The following E2F2 variants were observed in gnomAD, a reference collection of about 807,000 sequenced individuals.
The protein encoded by E2F2 is transcription factor E2F2.
Under a neutral mutation model 42.2 loss-of-function variants are expected in E2F2, and 22 were observed. The ratio of observed to expected loss-of-function variants is 0.52; its 90% CI spans 0.37 to 0.74. E2F2 has a LOEUF of 0.74. E2F2 is among the 30% of genes least tolerant of loss of function. E2F2 has a pLI of 0.00. For missense variants in E2F2, 481 were observed against 557.8 expected, an observed-to-expected ratio of 0.86 and a Z score of 1.39; for synonymous variants, 248 against 251.6, an observed-to-expected ratio of 0.99 and a Z score of 0.13.
chr1:23,525,376 C>A (rs1412680046), intron 1 of E2F2, among the ~76,000 whole-genome samples: 1 of 152,212 alleles, frequency 6.6e-6, no homozygotes, highest in Non-Finnish European at 1.5e-5. Context: ...AGGGCAGGGG[C>A]AGAGCTGGGG....
intron 4 of E2F2, among the ~76,000 whole-genome samples, chr1:23,520,112 G>A (rs1643108022): frequency 1.3e-5 from 2 of 150,784 alleles, no homozygotes; most frequent in Admixed American, 6.6e-5. Flanking sequence ...CAGGCATGGT[G>A]GCGGGCACCT....
At chr1:23,524,624 C>G in intron 1 of E2F2, 136 bp from the exon 2 acceptor site, 2 of 649,938 alleles carry the variant, frequency 3.1e-6, no homozygotes, top group Middle Eastern at 2.9e-4. Context: ...CCTGGTGAAG[C>G]ACTGCTGTAC....
chr1:23,521,823 G>GC lies in E2F2; in HGVS notation c.578+13dup. Reference sequence around the variant, plus strand: ...TACCCATTGGAGGGTACCACTGGCCGCCCAGGCACTCACACCCACTGGATG... The same window carrying GC: ...TACCCATTGGAGGGTACCACTGGCCGCCCCAGGCACTCACACCCACTGGATG... On this transcript the variant is annotated intron_variant, in intron 3 of 6. Coordinates refer to ENST00000361729, the MANE Select transcript of E2F2 (RefSeq NM_004091.4). 6.2e-7 allele frequency: 1 copy of GC among 1,613,030 alleles called. No homozygotes were observed. The highest frequency in any genetic ancestry group is 8.5e-7 in the Non-Finnish European group (1 of 1,179,776).
chr1:23,530,845 T>G lies in E2F2; in HGVS notation c.-52A>C. The G allele has an allele frequency of 7.0e-7, 1 of 1,426,446 alleles. No individual in the cohort carries two copies. Among genetic ancestry groups the G allele is most frequent in the Non-Finnish European group, 9.2e-7 (1 of 1,091,026 alleles). The allele number at this position is 1,426,446 out of a possible 1,614,324, so 88.4% of individuals were successfully genotyped here. ...AGGGCTTGGCGCGCCCGCGGACACC[T>G]GCGGGTTCCGGTGCTGCCGCCTTTC... On this transcript the variant is annotated 5_prime_UTR_variant, in exon 1 of 7. Transcript: ENST00000361729. The surrounding 1 kb of genome is among the most constrained non-coding windows in gnomAD (Gnocchi z 4.4).
intron 6 of E2F2, among the ~76,000 whole-genome samples, chr1:23,512,973 C>T (rs771061238): frequency 5.3e-5 from 8 of 152,022 alleles, no homozygotes; most frequent in African/African-American, 9.7e-5. Flanking sequence ...CCACCACCTC[C>T]GGCTAATTTT....
At chr1:23,520,696 T>G (rs1570465561) in intron 4 of E2F2, among the ~76,000 whole-genome samples, 1 of 152,162 alleles carries the variant, frequency 6.6e-6, no homozygotes. Context: ...CGAGCTATGA[T>G]CATGCCATTG....
In E2F2 at chr1:23,507,836, AT is replaced by A. The variant is rs1642831073; in HGVS notation, c.*2043del. On this transcript the variant is annotated 3_prime_UTR_variant, in exon 7 of 7. Coordinates refer to ENST00000361729, the MANE Select transcript of E2F2 (RefSeq NM_004091.4). ...GACTTCAGTATTAAACTCATTCCCA[AT>A]GGGTCCTGCAGGCCCCTTCTTCCTT... 6.6e-6 allele frequency: 1 copy of A among 152,238 alleles called. No homozygotes were observed. The highest frequency in any genetic ancestry group is 2.4e-5 in the African/African-American group (1 of 41,464). The allele number at this position is 152,238 out of a possible 1,614,324, so 9.4% of individuals were successfully genotyped here.
At chr1:23,518,472 A>AAAATAAATAAAT (rs56023276) in intron 5 of E2F2, among the ~76,000 whole-genome samples, 7 of 149,990 alleles carry the variant, frequency 4.7e-5, no homozygotes, top group African/African-American at 1.7e-4. Flanking sequence ...CTCTGTCTCA[A>AAAATAAATAAAT]AAATAAATAA....
At chr1:23,526,112 C>T (rs375139223) in intron 1 of E2F2, among the ~76,000 whole-genome samples, 6 of 152,178 alleles carry the variant, frequency 3.9e-5, no homozygotes, top group South Asian at 4.2e-4. Flanking sequence ...CCACCACTAC[C>T]GAGACCTGGA....
chr1:23,519,632 A>G (rs1478165771), intron 4 of E2F2, among the ~76,000 whole-genome samples: 1 of 152,216 alleles, frequency 6.6e-6, no homozygotes, highest in African/African-American at 2.4e-5. Flanking sequence ...AAAGCATTCT[A>G]TGTATAAAGA....
Position 23,509,204 on chromosome 1 carries a change from C to T in E2F2, c.*676G>A, listed in dbSNP as rs1174014365. 1 of 152,246 alleles carries T rather than the reference C, an allele frequency of 6.6e-6. No individual in the cohort carries two copies. Among genetic ancestry groups the T allele is most frequent in the Non-Finnish European group, 1.5e-5 (1 of 68,076 alleles). 9.4% of individuals were successfully genotyped at this position (152,246 alleles called of 1,614,324 possible). ...GCGACCAGGAAGCCAAGACCGGCAG[C>T]TCAGCTGGAGATGTGAGGCCAAGAA... On this transcript the variant is annotated 3_prime_UTR_variant, in exon 7 of 7. Coordinates refer to ENST00000361729, the MANE Select transcript of E2F2 (RefSeq NM_004091.4).
intron 5 of E2F2, among the ~76,000 whole-genome samples, chr1:23,518,626 G>T (rs1643073917): frequency 6.6e-6 from 1 of 152,098 alleles, no homozygotes; most frequent in Non-Finnish European, 1.5e-5. Context: ...AACGTCAGCT[G>T]GGGTCTCAGA....
chr1:23,530,037 T>C lies in E2F2; in HGVS notation c.252+505A>G, dbSNP rs1643312346. ...CTGGGGGAGGACCTAGGGCAGATAC[T>C]TGGGGCTATCTCAGGAGCTGGCTGG... On this transcript the variant is annotated intron_variant, in intron 1 of 6. Transcript: ENST00000361729. The surrounding 1 kb of genome is among the most constrained non-coding windows in gnomAD (Gnocchi z 4.4). Among the ~76,000 whole-genome samples the C allele has an allele frequency of 6.6e-6, 1 of 152,134 alleles. No homozygotes were observed. The highest frequency in any genetic ancestry group is 2.4e-5 in the African/African-American group (1 of 41,438).
chr1:23,531,025 T>C lies in E2F2; in HGVS notation c.-232A>G. The C allele has an allele frequency of 2.2e-6, 1 of 464,082 alleles. No individual in the cohort carries two copies. Among genetic ancestry groups the C allele is most frequent in the South Asian group, 5.5e-5 (1 of 18,120 alleles). 28.7% of individuals were successfully genotyped at this position (464,082 alleles called of 1,614,324 possible). On this transcript the variant is annotated 5_prime_UTR_variant, in exon 1 of 7. Transcript: ENST00000361729. ...CGCCCGGCGGCTGCGGTGGTGGCAC[T>C]GCCAGGGGCTGTCTCGTCCCGAGGG...
rs959520751 is a variant in E2F2 at position 23,510,509 on chromosome 1, G to C, written c.1046-361C>G. On this transcript the variant is annotated intron_variant, in intron 6 of 6. Coordinates refer to ENST00000361729, the MANE Select transcript of E2F2 (RefSeq NM_004091.4). ...CCAGCTAATTTGTGTATTTTTAGTA[G>C]AGATGGGGTTTCACCATGTTGGCCA... Among the ~76,000 whole-genome samples, 6 of 152,232 alleles carry C rather than the reference G, an allele frequency of 3.9e-5. No homozygotes were observed. In the East Asian group the frequency reaches 1.2e-3, roughly 29 times the overall value.
chr1:23,519,070 C>G lies in E2F2; in HGVS notation c.798G>C (p.Val266=). 6.2e-7 allele frequency: 1 copy of G among 1,613,944 alleles called. No homozygotes were observed. Among genetic ancestry groups the G allele is most frequent in the Non-Finnish European group, 8.5e-7 (1 of 1,179,916 alleles). Residue 266 remains valine (V), a synonymous_variant, in exon 5 of 7, where the codon GTG becomes GTC. Coordinates refer to ENST00000361729, the MANE Select transcript of E2F2 (RefSeq NM_004091.4). ...TCTGCGGAGGGGCCTTGACGGCAATCACTGTCTGCTCCTTAAAGTTGCCAA... is the reference window on the plus strand; with the variant it reads ...TCTGCGGAGGGGCCTTGACGGCAATGACTGTCTGCTCCTTAAAGTTGCCAA... The part of the protein sequence containing the change: ...RAVGNFKEQT[V]IAVKAPPQTR...
chr1:23,519,131 G>A lies in E2F2; in HGVS notation c.738-1C>T, dbSNP rs145585855. On this transcript the variant is annotated splice_acceptor_variant, in intron 4 of 6. Coordinates refer to ENST00000361729, the MANE Select transcript of E2F2 (RefSeq NM_004091.4). LOFTEE classifies it high-confidence loss of function. ...ATCCTGGTAAGTCACATAGGCCAGCGTAGGGCAGGAGAGTCAAGAAAAGTG... is the reference window on the plus strand; with the variant it reads ...ATCCTGGTAAGTCACATAGGCCAGCATAGGGCAGGAGAGTCAAGAAAAGTG... The A allele has an allele frequency of 1.7e-5, 28 of 1,612,092 alleles. No homozygotes were observed. Among genetic ancestry groups the A allele is most frequent in the South Asian group, 5.5e-5 (5 of 90,860 alleles).
chr1:23,517,886 A>G (rs1643055982), intron 5 of E2F2, among the ~76,000 whole-genome samples: 1 of 152,196 alleles, frequency 6.6e-6, no homozygotes, highest in African/African-American at 2.4e-5. Flanking sequence ...AGGGTCTTGC[A>G]CGGCTAGGTG....
At chr1:23,516,679 G>T in intron 5 of E2F2, 152 bp from the exon 6 acceptor site, 1 of 576,986 alleles carries the variant, frequency 1.7e-6, no homozygotes. Flanking sequence ...GCCTAACTAA[G>T]GTGGACTTCC....
Sources: gnomAD v4.1 joint callset for allele counts (sites outside exome capture counted in the v4.1 genomes callset) on GRCh38, gnomAD v4.1.1 for gene constraint, Gnocchi (gnomAD v3.1) non-coding constraint, MANE v1.5 for transcripts, NCBI Gene and HGNC (gene_info 2026-07-23, HGNC 2026-07-21) for gene names.